Variants in ADCY3 observed in about 807,000 individuals in gnomAD.
ADCY3 encodes adenylate cyclase 3.
ADCY3 carries 70 observed loss-of-function variants against 119.4 expected under a neutral mutation model. That is an observed-to-expected ratio of 0.59 (90% CI 0.48 to 0.72). ADCY3 has a LOEUF of 0.72. Ranked by LOEUF, ADCY3 falls within the 30% of genes least tolerant of loss-of-function variation. The probability of loss-of-function intolerance (pLI) is 0.00; values close to 1 mark genes in which losing one functional copy is unlikely to be tolerated. For missense variants in ADCY3, 1,238 were observed against 1,541.6 expected, an observed-to-expected ratio of 0.80 and a Z score of 3.30; for synonymous variants, 672 against 621.4, an observed-to-expected ratio of 1.08 and a Z score of -1.21.
intron 7 of ADCY3, among the ~76,000 whole-genome samples, chr2:24,839,258 G>A (rs2148554313): frequency 6.6e-6 from 1 of 152,222 alleles, no homozygotes; most frequent in Non-Finnish European, 1.5e-5. Context: ...CACCTTGCAC[G>A]TTTCTCAGTT....
chr2:24,914,675 CA>C (rs70947853), intron 2 of ADCY3, among the ~76,000 whole-genome samples: 66,290 of 120,794 alleles, frequency 0.55, 17,624 homozygotes, highest in African/African-American at 0.77. Flanking sequence ...AACTCTGTCT[CA>C]AAAAAAAAAA....
intron 3 of ADCY3, among the ~76,000 whole-genome samples, chr2:24,871,688 G>A (rs1021017363): frequency 2.0e-5 from 3 of 152,232 alleles, no homozygotes; most frequent in African/African-American, 7.2e-5. Flanking sequence ...CAGATGACAT[G>A]GTTCCCAGAG....
At chr2:24,875,525 G>T (rs183690324) in intron 2 of ADCY3, among the ~76,000 whole-genome samples, 1 of 152,268 alleles carries the variant, frequency 6.6e-6, no homozygotes, top group Non-Finnish European at 1.5e-5. Flanking sequence ...AGAGTGAGCC[G>T]CAGGAGCTGC....
At chr2:24,895,378 C>A (rs117534017) in intron 2 of ADCY3, among the ~76,000 whole-genome samples, 1 of 152,136 alleles carries the variant, frequency 6.6e-6, no homozygotes, top group African/African-American at 2.4e-5. Flanking sequence ...TGAGCCACCA[C>A]GCCTGACCAA....
intron 16 of ADCY3, 67 bp downstream of exon 16, chr2:24,825,978 A>G (rs2289090): frequency 0.67 from 1,011,624 of 1,500,738 alleles, 345,447 homozygotes; most frequent in East Asian, 0.88. Flanking sequence ...CTTAGGTCCC[A>G]GGGCTGCTTC....
intron 3 of ADCY3, among the ~76,000 whole-genome samples, chr2:24,858,703 T>G (rs1019136569): frequency 6.6e-6 from 1 of 152,196 alleles, no homozygotes; most frequent in African/African-American, 2.4e-5. Flanking sequence ...ATTCTACAAC[T>G]GTTTGGAGAA....
chr2:24,833,875 A>C (rs1016297350), intron 11 of ADCY3, among the ~76,000 whole-genome samples: 5 of 152,246 alleles, frequency 3.3e-5, no homozygotes, highest in Admixed American at 6.5e-5. Flanking sequence ...ACCCAGCCCA[A>C]GGCTCCTGAC....
intron 20 of ADCY3, 168 bp downstream of exon 20, chr2:24,821,349 G>T: frequency 1.0e-6 from 1 of 973,938 alleles, no homozygotes; most frequent in Non-Finnish European, 1.5e-6. Context: ...TAGTCATCTA[G>T]AGTCGTCTGG....
At chr2:24,824,866 G>A (rs1668363771) in intron 16 of ADCY3, among the ~76,000 whole-genome samples, 1 of 152,174 alleles carries the variant, frequency 6.6e-6, no homozygotes, top group African/African-American at 2.4e-5. Flanking sequence ...CTCCAGCCTG[G>A]GCAAAAGAGT....
Position 24,905,991 on chromosome 2 carries a change from C to T in ADCY3, c.675+12322G>A, listed in dbSNP as rs370865637. ...GACTCACAAGGTCCCTTCACTACGCCGTAATTGTGAAGGCCAGCAGGTCTG... is the reference window on the plus strand; with the variant it reads ...GACTCACAAGGTCCCTTCACTACGCTGTAATTGTGAAGGCCAGCAGGTCTG... On this transcript the variant is annotated intron_variant, in intron 2 of 21. Coordinates refer to ENST00000679454, the MANE Select transcript of ADCY3 (RefSeq NM_004036.5). Among the ~76,000 whole-genome samples, 305 of 152,122 alleles carry T rather than the reference C, an allele frequency of 2.0e-3. 4 individuals carry two copies. The highest frequency in any genetic ancestry group is 1.9e-3 in the Non-Finnish European group (130 of 68,006).
intron 6 of ADCY3, among the ~76,000 whole-genome samples, chr2:24,840,298 A>G (rs1670845951): frequency 6.6e-6 from 1 of 152,216 alleles, no homozygotes; most frequent in African/African-American, 2.4e-5. Flanking sequence ...CTCTCTGCCA[A>G]TTACTCTTTT....
intron 2 of ADCY3, among the ~76,000 whole-genome samples, chr2:24,882,467 A>T (rs1389556572): frequency 6.6e-6 from 1 of 152,214 alleles, no homozygotes; most frequent in Non-Finnish European, 1.5e-5. Flanking sequence ...AAACTCCTCA[A>T]AAGCTCCCAC....
Position 24,842,403 on chromosome 2 carries a change from G to T in ADCY3, c.826-19C>A, listed in dbSNP as rs1189600329. The T allele has an allele frequency of 1.9e-6, 3 of 1,613,966 alleles. No individual in the cohort carries two copies. The highest frequency in any genetic ancestry group is 2.2e-5 in the South Asian group (2 of 91,068). On this transcript the variant is annotated intron_variant, in intron 3 of 21. Transcript: ENST00000679454. The surrounding 1 kb of genome is among the most constrained non-coding windows in gnomAD (Gnocchi z 4.9). Reference sequence around the variant, plus strand: ...GGTTCTCCTGTGAGGGGCAGGAGAGGGTCAGAGGCAAAGGTAGGCCCTGCT... The same window carrying T: ...GGTTCTCCTGTGAGGGGCAGGAGAGTGTCAGAGGCAAAGGTAGGCCCTGCT...
chr2:24,917,830 C>T (rs900311588), intron 2 of ADCY3, among the ~76,000 whole-genome samples: 1 of 152,210 alleles, frequency 6.6e-6, no homozygotes, highest in Non-Finnish European at 1.5e-5. Flanking sequence ...CGCTTTCCCC[C>T]ACATCTCCTG....
rs151230629 is a variant in ADCY3, at chr2:24,840,022, C to T, written c.1206G>A (p.Arg402=). ...LAMVEAISYV[R]EKTKTGVDMR... ...TGTCCACCCCAGTCTTGGTCTTCTC[C>T]CGCACATACCTGCCAGGTACACACA... Residue 402 remains arginine (R), a synonymous_variant, in exon 7 of 22, where the codon CGG becomes CGA. Transcript: ENST00000679454. The T allele has an allele frequency of 3.5e-5, 56 of 1,609,656 alleles. No individual in the cohort carries two copies. In the African/African-American group the frequency reaches 7.2e-4, roughly 21 times the overall value.
At chr2:24,831,618 T>C in intron 12 of ADCY3, 44 bp downstream of exon 12, 3 of 1,488,440 alleles carry the variant, frequency 2.0e-6, no homozygotes, top group Middle Eastern at 3.4e-4. Flanking sequence ...GGAGTGCCAC[T>C]CACTTCCAGA....
chr2:24,852,734 G>A (rs994550601), intron 3 of ADCY3, among the ~76,000 whole-genome samples: 6 of 152,250 alleles, frequency 3.9e-5, no homozygotes, highest in South Asian at 2.1e-4. Flanking sequence ...CCGAGGACCC[G>A]AGCTGCCAAC....
chr2:24,868,212 C>T (rs1674533864), intron 3 of ADCY3, among the ~76,000 whole-genome samples: 1 of 151,968 alleles, frequency 6.6e-6, no homozygotes, highest in African/African-American at 2.4e-5. Flanking sequence ...TCTACGTCGC[C>T]CATGGATCAA....
intron 2 of ADCY3, among the ~76,000 whole-genome samples, chr2:24,909,117 A>C (rs11900505): frequency 0.52 from 79,400 of 152,022 alleles, 22,894 homozygotes; most frequent in African/African-American, 0.78. Context: ...GAATAATCTG[A>C]AAGTTCCACT....
Sources: gnomAD v4.1 joint callset for allele counts (sites outside exome capture counted in the v4.1 genomes callset) on GRCh38, gnomAD v4.1.1 for gene constraint, Gnocchi (gnomAD v3.1) non-coding constraint, MANE v1.5 for transcripts, NCBI Gene and HGNC (gene_info 2026-07-23, HGNC 2026-07-21) for gene names.